LRRFIP2: variants seen among roughly 807,000 people sequenced by gnomAD.
LRRFIP2 encodes the protein LRR binding FLII interacting protein 2, also known as leucine-rich repeat flightless-interacting protein 2.
A neutral mutation model predicts 125.9 loss-of-function variants in LRRFIP2; 109 were observed. The observed-to-expected ratio is 0.87, with a 90% confidence interval of 0.74 to 1.01. LRRFIP2 has a LOEUF of 1.01. Among genes scored for constraint, LRRFIP2 ranks in the 50% least tolerant of loss-of-function variants. The pLI is 0.00. For synonymous variants in LRRFIP2, 291 were observed against 293.1 expected, an observed-to-expected ratio of 0.99 and a Z score of 0.07; for missense variants, 850 against 862.3, an observed-to-expected ratio of 0.99 and a Z score of 0.18.
intron 15 of LRRFIP2, among the ~76,000 whole-genome samples, chr3:37,098,115 TATG>T (rs1026073038): frequency 5.9e-5 from 9 of 152,168 alleles, no homozygotes; most frequent in African/African-American, 2.2e-4. Context: ...TATTCTTTAT[TATG>T]ATGATAGTAT....
chr3:37,143,251 A>C (rs1160983670), intron 2 of LRRFIP2, among the ~76,000 whole-genome samples: 2 of 152,214 alleles, frequency 1.3e-5, no homozygotes, highest in African/African-American at 4.8e-5. Flanking sequence ...ACATAAGACA[A>C]GCAGATAACT....
chr3:37,170,539 C>T (rs2096571153), intron 1 of LRRFIP2: 3 of 152,216 alleles, frequency 2.0e-5, no homozygotes, highest in Admixed American at 6.5e-5. Context: ...TCTATCTGAA[C>T]TTAAAATAAT....
chr3:37,163,862 C>T (rs2096408751), intron 1 of LRRFIP2, among the ~76,000 whole-genome samples: 2 of 151,966 alleles, frequency 1.3e-5, no homozygotes, highest in African/African-American at 4.8e-5. Flanking sequence ...GGAGGGGGTG[C>T]CATTAAAGGA....
rs1421931802 is a variant in LRRFIP2 at position 37,053,691 on chromosome 3, T to G, written c.*160A>C. The G allele has an allele frequency of 3.3e-6, 2 of 600,934 alleles. No homozygotes were observed. Among genetic ancestry groups the G allele is most frequent in the Non-Finnish European group, 6.0e-6 (2 of 331,966 alleles). 37.2% of individuals were successfully genotyped at this position (600,934 alleles called of 1,614,324 possible). ...ATCCAAAGTGTTCATTCATGTAGAT[T>G]CAAAATGACTTCATTCTGTCATAAA... On this transcript the variant is annotated 3_prime_UTR_variant, in exon 28 of 28. Transcript: ENST00000336686.
At chr3:37,120,956 G>A (rs1396677823) in intron 6 of LRRFIP2, among the ~76,000 whole-genome samples, 3 of 152,044 alleles carry the variant, frequency 2.0e-5, no homozygotes, top group Admixed American at 2.0e-4. Context: ...CCTTCCTCCT[G>A]ACTTATAACA....
intron 2 of LRRFIP2, among the ~76,000 whole-genome samples, chr3:37,132,844 A>G (rs2095462241): frequency 6.6e-6 from 1 of 152,250 alleles, no homozygotes; most frequent in African/African-American, 2.4e-5. Flanking sequence ...TCAGATAAAG[A>G]GCTGCTACAG....
At chr3:37,153,013 TA>T (rs1445338109) in intron 1 of LRRFIP2, among the ~76,000 whole-genome samples, 1 of 152,202 alleles carries the variant, frequency 6.6e-6, no homozygotes, top group Non-Finnish European at 1.5e-5. Flanking sequence ...AGTATATCAA[TA>T]GTTTAACAGT....
In LRRFIP2 at chr3:37,072,873, G is replaced by C; in HGVS notation, c.1381C>G (p.Arg461Gly). 1 of 1,609,002 alleles carries C rather than the reference G, an allele frequency of 6.2e-7. No individual in the cohort carries two copies. The highest frequency in any genetic ancestry group is 8.5e-7 in the Non-Finnish European group (1 of 1,176,460). The change falls in exon 21 of 28, where the codon CGC becomes GGC. Residue 461 changes from arginine to glycine, a missense_variant. Arg to Gly is a moderately radical substitution (Grantham distance 125). Transcript: ENST00000336686. ...QRDELIEEKQ[R>G]MQQKIDTMTK... Reference sequence around the variant, plus strand: ...ATGGTGTCTATTTTCTGCTGCATGCGCTGCTTCTCCTGCAGAGGAAGAGGG... The same window carrying C: ...ATGGTGTCTATTTTCTGCTGCATGCCCTGCTTCTCCTGCAGAGGAAGAGGG...
At chr3:37,105,736 C>G (rs1410774079) in intron 13 of LRRFIP2, among the ~76,000 whole-genome samples, 1 of 152,124 alleles carries the variant, frequency 6.6e-6, no homozygotes, top group African/African-American at 2.4e-5. Context: ...TTCCAAAAAG[C>G]ACAAATAAAG....
intron 1 of LRRFIP2, among the ~76,000 whole-genome samples, chr3:37,160,655 T>C (rs1301382587): frequency 6.6e-6 from 1 of 151,928 alleles, no homozygotes; most frequent in Non-Finnish European, 1.5e-5. Flanking sequence ...GGTACATGCC[T>C]GTAATCCCAG....
At chr3:37,065,245 GT>G (rs767140303) in intron 23 of LRRFIP2, 2 of 186,730 alleles carry the variant, frequency 1.1e-5, no homozygotes, top group Non-Finnish European at 2.3e-5. Context: ...CAACTTTGTG[GT>G]TTCCTGGAGA....
chr3:37,107,997 A>G (rs938580933), intron 13 of LRRFIP2, 76 bp downstream of exon 13: 49 of 1,210,878 alleles, frequency 4.0e-5, no homozygotes, highest in Non-Finnish European at 5.2e-5. Flanking sequence ...CATATCCTCA[A>G]TATTCTAAAC....
intron 1 of LRRFIP2, among the ~76,000 whole-genome samples, chr3:37,173,602 T>C (rs1286283950): frequency 6.6e-6 from 1 of 152,250 alleles, no homozygotes; most frequent in Admixed American, 6.5e-5. Flanking sequence ...AAACAGCCTG[T>C]ATTTTGCAGG....
At chr3:37,066,581 G>C (rs1004798752) in intron 21 of LRRFIP2, 2 of 348,780 alleles carry the variant, frequency 5.7e-6, no homozygotes, top group Admixed American at 4.0e-5. Context: ...CATCAAGCAG[G>C]GAAATAAATC....
rs187137264 is a variant in LRRFIP2, at chr3:37,102,425, T to A, written c.873+499A>T. On this transcript the variant is annotated intron_variant, in intron 15 of 27. Transcript: ENST00000336686. ...CACAGAGGGGGAAAAAGTTTTTTTT[T>A]AAAAAAGAACATATTAATAAATACA... 9.4e-3 allele frequency among the ~76,000 whole-genome samples: 1,432 copies of A among 151,544 alleles called. 24 individuals carry two copies. The highest frequency in any genetic ancestry group is 0.032 in the African/African-American group (1,326 of 41,298).
chr3:37,173,960 T>C (rs2096621256), intron 1 of LRRFIP2, among the ~76,000 whole-genome samples: 1 of 152,262 alleles, frequency 6.6e-6, no homozygotes, highest in Non-Finnish European at 1.5e-5. Flanking sequence ...GACTGTCAGT[T>C]ACGGTGATTT....
chr3:37,151,435 ACTC>A (rs1319435602), intron 1 of LRRFIP2, among the ~76,000 whole-genome samples: 1 of 152,096 alleles, frequency 6.6e-6, no homozygotes, highest in African/African-American at 2.4e-5. Flanking sequence ...AATCAGAACA[ACTC>A]CTGATAAGGA....
chr3:37,060,127 C>T lies in LRRFIP2; in HGVS notation c.1750-1217G>A, dbSNP rs1490618796. On this transcript the variant is annotated intron_variant, in intron 24 of 27. Coordinates refer to ENST00000336686, the MANE Select transcript of LRRFIP2 (RefSeq NM_006309.4). This position sits in a 1 kb window ranked among gnomAD's most constrained non-coding sequence, Gnocchi z 4.1. ...TCTGTACGACCACTAACCTTCATCTCCTAACCTTTCCCAATGCCTGAAACT... is the reference window on the plus strand; with the variant it reads ...TCTGTACGACCACTAACCTTCATCTTCTAACCTTTCCCAATGCCTGAAACT... Among the ~76,000 whole-genome samples the T allele has an allele frequency of 6.6e-6, 1 of 152,120 alleles. No individual in the cohort carries two copies. The highest frequency in any genetic ancestry group is 1.9e-4 in the East Asian group (1 of 5,180).
intron 7 of LRRFIP2, among the ~76,000 whole-genome samples, chr3:37,114,172 T>C (rs138219780): frequency 8.4e-4 from 128 of 152,262 alleles, no homozygotes; most frequent in African/African-American, 2.9e-3. Context: ...GAGATGTCTA[T>C]GTAATTTAGA....
Sources: allele counts gnomAD v4.1 joint callset (sites outside exome capture counted in the v4.1 genomes callset), GRCh38; gene constraint gnomAD v4.1.1; non-coding constraint Gnocchi (gnomAD v3.1); transcripts MANE v1.5; gene names NCBI Gene and HGNC (gene_info 2026-07-23, HGNC 2026-07-21).